Variants in NDOR1 observed in about 807,000 individuals in gnomAD.
The protein encoded by NDOR1 is NADPH dependent diflavin oxidoreductase 1.
NDOR1 carries 61 observed loss-of-function variants against 67.2 expected under a neutral mutation model. That is an observed-to-expected ratio of 0.91 (90% CI 0.74 to 1.12). NDOR1 has a LOEUF of 1.12. Among genes scored for constraint, NDOR1 ranks in the 50% most tolerant of loss-of-function variants. The probability of loss-of-function intolerance (pLI) is 0.00; values close to 1 mark genes in which losing one functional copy is unlikely to be tolerated. For synonymous variants in NDOR1, 378 were observed against 343.7 expected, an observed-to-expected ratio of 1.10 and a Z score of -1.10; for missense variants, 878 against 802.8, an observed-to-expected ratio of 1.09 and a Z score of -1.13.
At chr9:137,214,489 G>A (rs920378373) in intron 6 of NDOR1, 76 bp downstream of exon 6, 3 of 1,609,766 alleles carry the variant, frequency 1.9e-6, no homozygotes, top group Non-Finnish European at 2.5e-6. Flanking sequence ...GCTGGGCCGG[G>A]CTGCAGGGGA....
At chr9:137,208,456 C>CA (rs926615832) in intron 2 of NDOR1, among the ~76,000 whole-genome samples, 4 of 145,652 alleles carry the variant, frequency 2.7e-5, no homozygotes, top group Admixed American at 1.4e-4. Context: ...GTCTCAAAAA[C>CA]AAAAAAAAGA....
In NDOR1 at chr9:137,212,858, C is replaced by T. The variant is rs1474855529; in HGVS notation, c.311+259C>T. 1.2e-4 allele frequency: 57 copies of T among 482,960 alleles called. No homozygotes were observed. The highest frequency in any genetic ancestry group is 1.8e-4 in the Non-Finnish European group (47 of 266,090). 29.9% of individuals were successfully genotyped at this position (482,960 alleles called of 1,614,324 possible). ...GACGTCACACAGGCCTACCTGGCGC[C>T]GGTCCCCACTTTTACAAAAAGGCGT... is the stretch of plus-strand genomic sequence containing the variant. On this transcript the variant is annotated intron_variant, in intron 3 of 13. Coordinates refer to ENST00000684003, the MANE Select transcript of NDOR1 (RefSeq NM_014434.4). This position sits in a 1 kb window ranked among gnomAD's most constrained non-coding sequence, Gnocchi z 4.3.
intron 1 of NDOR1, 55 bp downstream of exon 1, chr9:137,205,967 C>T: frequency 1.3e-6 from 2 of 1,510,126 alleles, no homozygotes; most frequent in Non-Finnish European, 1.8e-6. Flanking sequence ...GCGTGCCCGC[C>T]TCGCGGGGTC....
rs376173229 is a variant in NDOR1 at position 137,212,494 on chromosome 9, G to C, written c.214-8G>C. ...AGGACTCTGACTCAGAGTTTCCTCC[G>C]GCTGTAGAACTTCTGGAGGTTTATA... On this transcript the variant is annotated splice_polypyrimidine_tract_variant and splice_region_variant and intron_variant, in intron 2 of 13. Coordinates refer to ENST00000684003, the MANE Select transcript of NDOR1 (RefSeq NM_014434.4). The surrounding 1 kb of genome is among the most constrained non-coding windows in gnomAD (Gnocchi z 4.3). The C allele has an allele frequency of 2.0e-5, 32 of 1,613,244 alleles. No homozygotes were observed. Among genetic ancestry groups the C allele is most frequent in the Non-Finnish European group, 2.6e-5 (31 of 1,179,372 alleles).
Position 137,205,781 on chromosome 9 carries a change from C to G in NDOR1, c.4C>G (p.Pro2Ala). 1.2e-6 allele frequency: 2 copies of G among 1,603,844 alleles called. No homozygotes were observed. The highest frequency in any genetic ancestry group is 1.7e-5 in the Admixed American group (1 of 60,016). M[P>A]SPQLLVLFGS... ...CCAGACCACCGGGCGCACCCCGATG[C>G]CGAGCCCGCAGCTTCTGGTGCTCTT... Residue 2 changes from proline (P) to alanine (A), a missense_variant, in exon 1 of 14, where the codon CCG becomes GCG. Physicochemically the swap from Pro to Ala is conservative, Grantham distance 27. Coordinates refer to ENST00000684003, the MANE Select transcript of NDOR1 (RefSeq NM_014434.4).
chr9:137,212,843 A>G lies in NDOR1; in HGVS notation c.311+244A>G. On this transcript the variant is annotated intron_variant, in intron 3 of 13. Transcript: ENST00000684003. The surrounding 1 kb of genome is among the most constrained non-coding windows in gnomAD (Gnocchi z 4.3). ...GGCTCCAGCCACGCTGACGTCACAC[A>G]GGCCTACCTGGCGCCGGTCCCCACT... 2 of 517,762 alleles carry G rather than the reference A, an allele frequency of 3.9e-6. No individual in the cohort carries two copies. Among genetic ancestry groups the G allele is most frequent in the Non-Finnish European group, 7.0e-6 (2 of 287,042 alleles). The allele number at this position is 517,762 out of a possible 1,614,324, so 32.1% of individuals were successfully genotyped here.
At chr9:137,210,284 G>A (rs954203441) in intron 2 of NDOR1, among the ~76,000 whole-genome samples, 5 of 152,172 alleles carry the variant, frequency 3.3e-5, no homozygotes, top group Non-Finnish European at 7.3e-5. Context: ...TGCAGTGGCA[G>A]CCATCAACGG....
rs1215976876 is a variant in NDOR1 at position 137,215,102 on chromosome 9, G to C, written c.1073G>C (p.Cys358Ser). The C allele has an allele frequency of 6.2e-7, 1 of 1,613,654 alleles. No homozygotes were observed. Among genetic ancestry groups the C allele is most frequent in the African/African-American group, 1.3e-5 (1 of 74,944 alleles). Residue 358 changes from cysteine to serine, a missense_variant, in exon 9 of 14, where the codon TGT becomes TCT. Coordinates refer to ENST00000684003, the MANE Select transcript of NDOR1 (RefSeq NM_014434.4). ...GAGACTCTCTTTGCCTAGGTGCTCT[G>C]TGACTTCCCGCACACAGCTGCCGCC... ...RPRRTILEVLCDFPHTAAAIP... is the reference protein window; with the variant it reads ...RPRRTILEVLSDFPHTAAAIP...
At chr9:137,215,302 G>A (rs1301997062) in intron 9 of NDOR1, 100 bp downstream of exon 9, 24 of 1,532,644 alleles carry the variant, frequency 1.6e-5, no homozygotes, top group African/African-American at 4.1e-5. Context: ...ACCAGGTGAC[G>A]TTCCCCCAGT....
At chr9:137,214,136 G>A in intron 5 of NDOR1, 68 bp downstream of exon 5, 7 of 1,537,254 alleles carry the variant, frequency 4.6e-6, no homozygotes, top group Non-Finnish European at 6.1e-6. Context: ...CTCGCCCTGG[G>A]TCCCTCCCGT....
Position 137,215,394 on chromosome 9 carries a change from C to A in NDOR1, c.1174-13C>A. ...GCCTTGTTCCACCACCCCCACCCCG[C>A]CGTCCTCCCCAGACTCACCCCTCAC... On this transcript the variant is annotated splice_polypyrimidine_tract_variant and intron_variant, in intron 9 of 13. Transcript: ENST00000684003. The A allele has an allele frequency of 1.9e-6, 3 of 1,604,886 alleles. No homozygotes were observed. The highest frequency in any genetic ancestry group is 1.3e-5 in the African/African-American group (1 of 74,798).
chr9:137,205,716 C>A lies in NDOR1; in HGVS notation c.-62C>A. 6.3e-7 allele frequency: 1 copy of A among 1,596,118 alleles called. No homozygotes were observed. Among genetic ancestry groups the A allele is most frequent in the Non-Finnish European group, 8.5e-7 (1 of 1,178,212 alleles). Reference sequence around the variant, plus strand: ...GCGGAAGGCGGAGCGGTCCCTGCAACCCGGCCGGCGGGAACTGCCTTCTAG... The same window carrying A: ...GCGGAAGGCGGAGCGGTCCCTGCAAACCGGCCGGCGGGAACTGCCTTCTAG... On this transcript the variant is annotated 5_prime_UTR_variant, in exon 1 of 14. Coordinates refer to ENST00000684003, the MANE Select transcript of NDOR1 (RefSeq NM_014434.4).
rs777721628 is a variant in NDOR1 at position 137,205,782 on chromosome 9, C to G, written c.5C>G (p.Pro2Arg). 5 of 1,603,826 alleles carry G rather than the reference C, an allele frequency of 3.1e-6. No individual in the cohort carries two copies. The African/African-American group carries it at 5.3e-5, about 17-fold the overall frequency. The change falls in exon 1 of 14, where the codon CCG becomes CGG. Residue 2 changes from proline (P) to arginine (R), a missense_variant. Physicochemically the swap from Pro to Arg is moderately radical, Grantham distance 103. Coordinates refer to ENST00000684003, the MANE Select transcript of NDOR1 (RefSeq NM_014434.4). M[P>R]SPQLLVLFGS... ...CAGACCACCGGGCGCACCCCGATGC[C>G]GAGCCCGCAGCTTCTGGTGCTCTTC...
At position 137,215,388 on chromosome 9, in the gene NDOR1, A is replaced by ACCCCCCCCCC; in HGVS notation, c.1174-15_1174-14insCCCCCCCCCC. 1.9e-6 allele frequency: 2 copies of ACCCCCCCCCC among 1,064,862 alleles called. No homozygotes were observed. The highest frequency in any genetic ancestry group is 2.8e-6 in the Non-Finnish European group (2 of 706,650). 66.0% of individuals were successfully genotyped at this position (1,064,862 alleles called of 1,614,324 possible). A position where few individuals can be genotyped will look rare whatever the true frequency, so the allele number is the denominator to read the frequency against. On this transcript the variant is annotated intron_variant, in intron 9 of 13. Transcript: ENST00000684003. ...AGGGCAGCCTTGTTCCACCACCCCC[A>ACCCCCCCCCC]CCCCGCCGTCCTCCCCAGACTCACC...
In NDOR1 at chr9:137,216,860, C is replaced by T. The variant is rs1324025704; in HGVS notation, c.*444C>T. 1 of 212,968 alleles carries T rather than the reference C, an allele frequency of 4.7e-6. No individual in the cohort carries two copies. The highest frequency in any genetic ancestry group is 9.6e-6 in the Non-Finnish European group (1 of 104,456). 13.2% of individuals were successfully genotyped at this position (212,968 alleles called of 1,614,324 possible). ...CCCAGCAGCACATTCCAGTCACTGC[C>T]CCCGCACTCCCACAGGGCTCAGGCT... On this transcript the variant is annotated 3_prime_UTR_variant, in exon 14 of 14. Transcript: ENST00000684003.
At position 137,214,932 on chromosome 9, in the gene NDOR1, C is replaced by T. The variant is rs770443793; in HGVS notation, c.979C>T (p.Arg327Trp). The T allele has an allele frequency of 8.7e-6, 14 of 1,613,238 alleles. No individual in the cohort carries two copies. Among genetic ancestry groups the T allele is most frequent in the Admixed American group, 3.3e-5 (2 of 60,008 alleles). Residue 327 changes from arginine to tryptophan, a missense_variant, in exon 8 of 14, where the codon CGG becomes TGG. Physicochemically the swap from Arg to Trp is moderately radical, Grantham distance 101 (BLOSUM62 -3). Coordinates refer to ENST00000684003, the MANE Select transcript of NDOR1 (RefSeq NM_014434.4). Reference sequence around the variant, plus strand: ...CTGTCTATCCCTCCATGAGCTGGAGCGGGAGAAGCTGCTGGAGTTCAGTTC... The same window carrying T: ...CTGTCTATCCCTCCATGAGCTGGAGTGGGAGAAGCTGCTGGAGTTCAGTTC... ...LACLSLHELE[R>W]EKLLEFSSAQ...
Position 137,216,203 on chromosome 9 carries a change from G to A in NDOR1, c.1649+15G>A, listed in dbSNP as rs892951806. The A allele has an allele frequency of 8.1e-6, 13 of 1,613,262 alleles. No individual in the cohort carries two copies. The South Asian group carries it at 8.8e-5, about 11-fold the overall frequency. On this transcript the variant is annotated intron_variant, in intron 13 of 13. Coordinates refer to ENST00000684003, the MANE Select transcript of NDOR1 (RefSeq NM_014434.4). ...TACCTGGCAGGGTGAGCTGGCCTGC[G>A]TGCAGCAGGAGTGGGCCCAGCCCCT... is the stretch of plus-strand genomic sequence containing the variant.
rs1490740640 is a variant in NDOR1, at chr9:137,209,811, G to A, written c.214-2691G>A. ...TGTCTGGTGAAGAAACCCATGGGGC[G>A]CTGGGCGCGCTGGCCCAAGCCTGTA... On this transcript the variant is annotated intron_variant, in intron 2 of 13. Coordinates refer to ENST00000684003, the MANE Select transcript of NDOR1 (RefSeq NM_014434.4). Among the ~76,000 whole-genome samples the A allele has an allele frequency of 5.3e-5, 8 of 152,368 alleles. No individual in the cohort carries two copies. The South Asian group carries it at 6.2e-4, about 12-fold the overall frequency.
At position 137,218,577 on chromosome 9, in the gene NDOR1, TGCTCCTG is replaced by T. The variant is rs1835745107; in HGVS notation, c.*2163_*2169del. On this transcript the variant is annotated 3_prime_UTR_variant, in exon 14 of 14. Coordinates refer to ENST00000684003, the MANE Select transcript of NDOR1 (RefSeq NM_014434.4). ...CTCCTGCTGCTGGGACTGCTCTTCG[TGCTCCTG>T]GACCGCTCTGGCCGCTGAGCAGAGC... 3.8e-5 allele frequency: 15 copies of T among 399,438 alleles called. No homozygotes were observed. Among genetic ancestry groups the T allele is most frequent in the Non-Finnish European group, 6.6e-5 (15 of 226,878 alleles). 24.7% of individuals were successfully genotyped at this position (399,438 alleles called of 1,614,324 possible).
Sources: gnomAD v4.1 joint callset for allele counts (sites outside exome capture counted in the v4.1 genomes callset) on GRCh38, gnomAD v4.1.1 for gene constraint, Gnocchi (gnomAD v3.1) non-coding constraint, MANE v1.5 for transcripts, NCBI Gene and HGNC (gene_info 2026-07-23, HGNC 2026-07-21) for gene names.